Variants in TRAPPC12 observed in about 807,000 individuals in gnomAD.
TRAPPC12 encodes trafficking protein particle complex subunit 12, also known as TPR repeat protein 15.
In TRAPPC12, 61 loss-of-function variants were observed where a neutral mutation model predicts 69.2. That is an observed-to-expected ratio of 0.88 (90% CI 0.72 to 1.09). The LOEUF (loss-of-function observed/expected upper bound fraction) is 1.09. TRAPPC12 is among the 50% of genes least tolerant of loss of function. The pLI is 0.00. For missense variants in TRAPPC12, 1,101 were observed against 1,016.4 expected (o/e 1.08, Z -1.13); for synonymous variants, 469 against 438.9 (o/e 1.07, Z -0.86).
intron 2 of TRAPPC12, among the ~76,000 whole-genome samples, chr2:3,392,026 C>G (rs1208595964): frequency 6.6e-6 from 1 of 152,078 alleles, no homozygotes; most frequent in African/African-American, 2.4e-5. Flanking sequence ...GTGCTGCAGT[C>G]CAACGGTCTT....
intron 3 of TRAPPC12, among the ~76,000 whole-genome samples, chr2:3,411,496 C>G (rs1006153060): frequency 3.3e-5 from 5 of 152,092 alleles, no homozygotes; most frequent in Non-Finnish European, 7.4e-5. Flanking sequence ...AACCACTGTC[C>G]TTTTACATTT....
In TRAPPC12 at chr2:3,414,580, C is replaced by T. The variant is rs571205502; in HGVS notation, c.1165-7301C>T. 6.9e-6 allele frequency among the ~76,000 whole-genome samples: 1 copy of T among 145,654 alleles called. No homozygotes were observed. Among genetic ancestry groups the T allele is most frequent in the East Asian group, 2.2e-4 (1 of 4,464 alleles). ...TGTCCCCGCTGTGCAGTGCCTTGAA[C>T]GTGCTCTGCCGTGTGTCGGCCCGTT... On this transcript the variant is annotated intron_variant, in intron 3 of 11. Transcript: ENST00000324266. The surrounding 1 kb of genome is among the most constrained non-coding windows in gnomAD (Gnocchi z 4.9).
chr2:3,407,420 G>GT (rs140545167), intron 3 of TRAPPC12, among the ~76,000 whole-genome samples: 23,946 of 152,150 alleles, frequency 0.16, 2,372 homozygotes, highest in Non-Finnish European at 0.22. Flanking sequence ...AATTTTACAT[G>GT]TCATGTACAG....
intron 3 of TRAPPC12, among the ~76,000 whole-genome samples, chr2:3,407,635 T>C (rs1239955855): frequency 2.0e-5 from 3 of 151,954 alleles, no homozygotes; most frequent in Non-Finnish European, 4.4e-5. Context: ...ACCCCATCTC[T>C]ACTAAAAATA....
chr2:3,478,838 T>C lies in TRAPPC12; in HGVS notation c.1878-8T>C. Reference sequence around the variant, plus strand: ...CCCCGCTAACTGCCACCGTTGCTTGTGTTACAGCGCGTTCCTTCACCTCGG... The same window carrying C: ...CCCCGCTAACTGCCACCGTTGCTTGCGTTACAGCGCGTTCCTTCACCTCGG... On this transcript the variant is annotated splice_polypyrimidine_tract_variant and splice_region_variant and intron_variant, in intron 10 of 11. Coordinates refer to ENST00000324266, the MANE Select transcript of TRAPPC12 (RefSeq NM_016030.6). The C allele has an allele frequency of 6.2e-7, 1 of 1,613,910 alleles. No homozygotes were observed. The highest frequency in any genetic ancestry group is 8.5e-7 in the Non-Finnish European group (1 of 1,179,916).
intron 6 of TRAPPC12, among the ~76,000 whole-genome samples, chr2:3,451,532 G>GT (rs1664850504): frequency 2.0e-5 from 3 of 150,894 alleles, no homozygotes; most frequent in African/African-American, 7.3e-5. Context: ...TTTCTTTTTT[G>GT]TTTTTTTGAG....
chr2:3,446,082 G>A (rs1479711354), intron 6 of TRAPPC12, among the ~76,000 whole-genome samples: 1 of 152,228 alleles, frequency 6.6e-6, no homozygotes, highest in African/African-American at 2.4e-5. Context: ...CTGGGCGTGG[G>A]GCCACCGTCA....
intron 7 of TRAPPC12, chr2:3,458,153 C>G (rs1665282071): frequency 2.0e-6 from 2 of 1,011,002 alleles, no homozygotes; most frequent in Admixed American, 1.0e-4. Context: ...GCTGAGGGAC[C>G]TGGGCAGTTC....
intron 1 of TRAPPC12, among the ~76,000 whole-genome samples, chr2:3,380,712 C>T (rs1462862486): frequency 2.6e-5 from 4 of 152,180 alleles, no homozygotes; most frequent in Admixed American, 1.3e-4. Context: ...TCATTCAGTT[C>T]TTACATTTTG....
rs753892007 is a variant in TRAPPC12 at position 3,460,276 on chromosome 2, G to A, written c.1617G>A (p.Leu539=). 1 of 873,936 alleles carries A rather than the reference G, an allele frequency of 1.1e-6. No individual in the cohort carries two copies. The highest frequency in any genetic ancestry group is 2.0e-6 in the Non-Finnish European group (1 of 502,518). The allele number at this position is 873,936 out of a possible 1,614,324, so 54.1% of individuals were successfully genotyped here. ...CTTACCTTGTAGCCTCTATCCGGCT[G>A]TGGAGGTCACGTCTGGGCCGGGTGA... ...TQEGRQASIR[L]WRSRLGRVMY... is the part of the protein sequence containing the mutation. Residue 539 remains leucine, a synonymous_variant, in exon 8 of 12, where the codon CTG becomes CTA. Transcript: ENST00000324266.
intron 7 of TRAPPC12, chr2:3,457,942 G>A: frequency 1.4e-6 from 2 of 1,387,704 alleles, no homozygotes; most frequent in South Asian, 1.6e-5. Context: ...CACCACAAAA[G>A]CACACGGCCC....
Position 3,387,766 on chromosome 2 carries a change from A to G in TRAPPC12, c.143A>G (p.Asn48Ser). The G allele has an allele frequency of 6.2e-7, 1 of 1,612,880 alleles. No individual in the cohort carries two copies. Among genetic ancestry groups the G allele is most frequent in the Non-Finnish European group, 8.5e-7 (1 of 1,179,366 alleles). The change falls in exon 2 of 12, where the codon AAC (asparagine) becomes AGC (serine). Residue 48 changes from asparagine to serine, a missense_variant. Asn to Ser is a conservative substitution (Grantham distance 46). Coordinates refer to ENST00000324266, the MANE Select transcript of TRAPPC12 (RefSeq NM_016030.6). ...LGGDEFGSEE[N>S]ETASEGSSPL... ...GGAGATGAGTTTGGATCCGAAGAGA[A>G]CGAGACCGCATCGGAAGGCTCGAGT...
intron 9 of TRAPPC12, chr2:3,466,287 C>T: frequency 2.1e-6 from 1 of 471,270 alleles, no homozygotes; most frequent in South Asian, 1.5e-5. Flanking sequence ...CCCTCTCACC[C>T]TCAGTCTTAG....
intron 3 of TRAPPC12, among the ~76,000 whole-genome samples, chr2:3,405,567 G>C (rs1470977525): frequency 6.6e-6 from 1 of 152,156 alleles, no homozygotes; most frequent in East Asian, 1.9e-4. Context: ...AAACAAACAA[G>C]TTCTCACTTG....
At chr2:3,423,630 G>A (rs889950980) in intron 4 of TRAPPC12, among the ~76,000 whole-genome samples, 3 of 151,880 alleles carry the variant, frequency 2.0e-5, no homozygotes, top group Admixed American at 6.6e-5. Context: ...TTTGTCTAAC[G>A]TCATGTCCCC....
intron 8 of TRAPPC12, chr2:3,463,138 G>T: frequency 3.1e-6 from 1 of 323,954 alleles, no homozygotes; most frequent in South Asian, 2.3e-5. Flanking sequence ...AAGCTCTCTT[G>T]AGGAGCTTCT....
Position 3,387,980 on chromosome 2 carries a change from C to T in TRAPPC12, c.357C>T (p.Ala119=). 1.4e-6 allele frequency: 2 copies of T among 1,472,672 alleles called. No individual in the cohort carries two copies. The highest frequency in any genetic ancestry group is 1.8e-6 in the Non-Finnish European group (2 of 1,118,366). 91.2% of individuals were successfully genotyped at this position (1,472,672 alleles called of 1,614,324 possible). The change falls in exon 2 of 12, where the codon GCC becomes GCT. Residue 119 remains alanine (A), a synonymous_variant. Coordinates refer to ENST00000324266, the MANE Select transcript of TRAPPC12 (RefSeq NM_016030.6). ...GCGGCGAGGCCGACGGCGACTGTGC[C>T]CCCGAGGACGCGGCACCCAGTAGCG... ...SPSGEADGDC[A]PEDAAPSSGG...
At chr2:3,396,460 T>C (rs1438059490) in intron 2 of TRAPPC12, among the ~76,000 whole-genome samples, 1 of 152,196 alleles carries the variant, frequency 6.6e-6, no homozygotes, top group Non-Finnish European at 1.5e-5. Flanking sequence ...TCGGCATTCA[T>C]TGGCTGTTTT....
chr2:3,464,604 A>C (rs1665706656), intron 8 of TRAPPC12, among the ~76,000 whole-genome samples: 1 of 152,256 alleles, frequency 6.6e-6, no homozygotes, highest in Admixed American at 6.5e-5. Context: ...GCGAGAATGC[A>C]GGGGAGCATT....
Sources: allele counts gnomAD v4.1 joint callset (sites outside exome capture counted in the v4.1 genomes callset), GRCh38; gene constraint gnomAD v4.1.1; non-coding constraint Gnocchi (gnomAD v3.1); transcripts MANE v1.5; gene names NCBI Gene and HGNC (gene_info 2026-07-23, HGNC 2026-07-21).